PHF2: variants seen among roughly 807,000 people sequenced by gnomAD.
PHF2 encodes PHD finger protein 2, also known as lysine-specific demethylase PHF2.
PHF2 carries 27 observed loss-of-function variants against 120.5 expected under a neutral mutation model. The observed-to-expected ratio is 0.22, with a 90% confidence interval of 0.17 to 0.31. The LOEUF (loss-of-function observed/expected upper bound fraction) is 0.31, where lower values mean the gene tolerates loss of function less well. Among genes scored for constraint, PHF2 ranks in the 10% least tolerant of loss-of-function variants. The pLI is 1.00. For synonymous variants in PHF2, 568 were observed against 592.5 expected (o/e 0.96, Z 0.60); for missense variants, 1,024 against 1,434.8 (o/e 0.71, Z 4.63).
intron 1 of PHF2, among the ~76,000 whole-genome samples, chr9:93,600,278 T>A (rs533414978): frequency 3.9e-5 from 6 of 152,070 alleles, no homozygotes; most frequent in Admixed American, 2.0e-4. Flanking sequence ...CCTGACAGTC[T>A]GCTGGAGGCC....
intron 1 of PHF2, among the ~76,000 whole-genome samples, chr9:93,579,345 T>G (rs1019639268): frequency 2.0e-5 from 3 of 152,180 alleles, no homozygotes; most frequent in African/African-American, 7.2e-5. Context: ...GACTTTAGAC[T>G]TACAAAAGAG....
chr9:93,662,159 A>G lies in PHF2; in HGVS notation c.1699-748A>G, dbSNP rs548443732. 7.8e-5 allele frequency among the ~76,000 whole-genome samples: 9 copies of G among 115,006 alleles called. No individual in the cohort carries two copies. In the South Asian group the frequency reaches 1.8e-3, roughly 23 times the overall value. 75.4% of individuals were successfully genotyped at this position (115,006 alleles called of 152,430 possible). The stretch of plus-strand genomic sequence containing the variant: ...GATGGATGGATGGATGGATAGACAG[A>G]GGAATGAATAGATGGATGGATGAAT... On this transcript the variant is annotated intron_variant, in intron 12 of 21. Coordinates refer to ENST00000359246, the MANE Select transcript of PHF2 (RefSeq NM_005392.4).
At chr9:93,639,362 C>G (rs981157567) in intron 3 of PHF2, among the ~76,000 whole-genome samples, 4 of 152,000 alleles carry the variant, frequency 2.6e-5, no homozygotes, top group Non-Finnish European at 4.4e-5. Flanking sequence ...TCTTAATTTT[C>G]AGATTGTTCA....
chr9:93,646,414 C>T (rs1826261405), intron 4 of PHF2, among the ~76,000 whole-genome samples: 1 of 152,204 alleles, frequency 6.6e-6, no homozygotes, highest in Non-Finnish European at 1.5e-5. Context: ...GGCCACATGG[C>T]CAAGCATGGA....
intron 1 of PHF2, among the ~76,000 whole-genome samples, chr9:93,616,006 A>G (rs1158943492): frequency 6.6e-6 from 1 of 152,252 alleles, no homozygotes; most frequent in Non-Finnish European, 1.5e-5. Context: ...AGGAAACCGC[A>G]GGAAAGTATA....
intron 6 of PHF2, among the ~76,000 whole-genome samples, 157 bp from the exon 7 acceptor site, chr9:93,654,256 C>T (rs1826418669): frequency 6.6e-6 from 1 of 152,220 alleles, no homozygotes; most frequent in Non-Finnish European, 1.5e-5. Context: ...ACCTTCCTAA[C>T]ATGCACATTT....
chr9:93,635,548 G>A (rs1052614422), intron 2 of PHF2, among the ~76,000 whole-genome samples: 4 of 152,192 alleles, frequency 2.6e-5, no homozygotes, highest in Admixed American at 6.5e-5. Context: ...TTCTCTGCCT[G>A]GTTGAATACA....
rs546015193 is a variant in PHF2 at position 93,678,618 on chromosome 9, C to T, written c.*942C>T. ...CATGGGTCGTACCTGGATGGTGTGT[C>T]CACCATCGACACGGAGGGGCTGGAT... On this transcript the variant is annotated 3_prime_UTR_variant, in exon 22 of 22. Transcript: ENST00000359246. The T allele has an allele frequency of 8.5e-5, 13 of 152,814 alleles. No individual in the cohort carries two copies. Among genetic ancestry groups the T allele is most frequent in the African/African-American group, 2.9e-4 (12 of 41,580 alleles). 9.5% of individuals were successfully genotyped at this position (152,814 alleles called of 1,614,324 possible).
chr9:93,654,980 G>A (rs1323212289), intron 7 of PHF2, among the ~76,000 whole-genome samples: 1 of 152,212 alleles, frequency 6.6e-6, no homozygotes, highest in South Asian at 2.1e-4. Flanking sequence ...CAGAGCCAGC[G>A]AGGGAGGAGG....
At chr9:93,579,486 C>T (rs543026108) in intron 1 of PHF2, among the ~76,000 whole-genome samples, 6 of 152,310 alleles carry the variant, frequency 3.9e-5, no homozygotes, top group Non-Finnish European at 5.9e-5. Flanking sequence ...AAACTACAGG[C>T]TTTATTCAAA....
chr9:93,585,603 A>G (rs1172056337), intron 1 of PHF2, among the ~76,000 whole-genome samples: 1 of 152,250 alleles, frequency 6.6e-6, no homozygotes, highest in Non-Finnish European at 1.5e-5. Flanking sequence ...TTGGACAAAC[A>G]TGAGGATCTG....
At chr9:93,590,344 G>A (rs1038053277) in intron 1 of PHF2, among the ~76,000 whole-genome samples, 2 of 152,176 alleles carry the variant, frequency 1.3e-5, no homozygotes, top group African/African-American at 4.8e-5. Context: ...AGAAAAGCAG[G>A]TTTTCCCTGA....
chr9:93,592,377 C>T (rs1330168244), intron 1 of PHF2, among the ~76,000 whole-genome samples: 1 of 151,618 alleles, frequency 6.6e-6, no homozygotes, highest in Non-Finnish European at 1.5e-5. Context: ...TCATTGCCCC[C>T]ATCACTGACC....
intron 10 of PHF2, among the ~76,000 whole-genome samples, chr9:93,659,163 C>T (rs1826514564): frequency 6.6e-6 from 1 of 152,250 alleles, no homozygotes; most frequent in African/African-American, 2.4e-5. Flanking sequence ...CCACCTCCGT[C>T]AGGCCTCAAG....
At chr9:93,659,665 C>G (rs1826524040) in intron 11 of PHF2, 65 bp downstream of exon 11, 1 of 1,465,706 alleles carries the variant, frequency 6.8e-7, no homozygotes, top group African/African-American at 1.4e-5. Context: ...CTGTCTTTCT[C>G]TGGGTCCAGG....
At chr9:93,672,168 AT>A (rs1826809832) in intron 17 of PHF2, among the ~76,000 whole-genome samples, 1 of 47,496 alleles carries the variant, frequency 2.1e-5, no homozygotes. Context: ...GTGGGTGTGG[AT>A]GTAGGTACAG....
chr9:93,658,555 T>C (rs1316184941), intron 10 of PHF2, among the ~76,000 whole-genome samples: 1 of 152,074 alleles, frequency 6.6e-6, no homozygotes, highest in African/African-American at 2.4e-5. Context: ...TGCTGGTGTG[T>C]CCTGGGAGGA....
intron 1 of PHF2, among the ~76,000 whole-genome samples, chr9:93,618,844 G>GTATGTATCTCTGAATGTGTGT (rs1564383259): frequency 5.9e-4 from 1 of 1,698 alleles, no homozygotes; most frequent in Non-Finnish European, 1.3e-3. Flanking sequence ...TGGTGTGTGT[G>GTATGTATCTCTGAATGTGTGT]TGTGCCTGTG....
At chr9:93,658,611 A>C (rs1826502893) in intron 10 of PHF2, among the ~76,000 whole-genome samples, 1 of 152,034 alleles carries the variant, frequency 6.6e-6, no homozygotes, top group African/African-American at 2.4e-5. Flanking sequence ...GTGGGATGAC[A>C]CTGTGTGAGC....
Sources: allele counts gnomAD v4.1 joint callset (sites outside exome capture counted in the v4.1 genomes callset), GRCh38; gene constraint gnomAD v4.1.1; transcripts MANE v1.5; gene names NCBI Gene and HGNC (gene_info 2026-07-23, HGNC 2026-07-21).